The following CNBD1 variants were observed in gnomAD, a reference collection of about 807,000 sequenced individuals.
CNBD1 encodes cyclic nucleotide binding domain containing 1.
CNBD1 carries 71 observed loss-of-function variants against 54.4 expected under a neutral mutation model. The observed-to-expected ratio is 1.30, with a 90% CI of 1.08 to 1.59. The LOEUF (loss-of-function observed/expected upper bound fraction) is 1.59. Ranked by LOEUF, CNBD1 falls within the 40% of genes most tolerant of loss-of-function variation. The pLI is 0.00. For synonymous variants in CNBD1, 182 were observed against 170.7 expected, an observed-to-expected ratio of 1.07 and a Z score of -0.51; for missense variants, 659 against 518.0, an observed-to-expected ratio of 1.27 and a Z score of -2.64.
chr8:86,870,489 G>A (rs1322068178), intron 1 of CNBD1, among the ~76,000 whole-genome samples: 11 of 151,804 alleles, frequency 7.2e-5, no homozygotes, highest in African/African-American at 4.8e-5. Flanking sequence ...GAGCCACCGC[G>A]CCTGGCCAAC....
At chr8:87,284,384 A>G (rs1008155859) in intron 6 of CNBD1, among the ~76,000 whole-genome samples, 3 of 152,124 alleles carry the variant, frequency 2.0e-5, no homozygotes, top group East Asian at 1.9e-4. Flanking sequence ...CATTCTTTCA[A>G]CTACTATTTA....
chr8:87,303,324 A>G, intron 8 of CNBD1, among the ~76,000 whole-genome samples: 1 of 152,020 alleles, frequency 6.6e-6, no homozygotes, highest in East Asian at 1.9e-4. Context: ...GCCCTCAGAA[A>G]TAATGCCGCA....
chr8:87,364,576 T>C (rs760810194), intron 10 of CNBD1, among the ~76,000 whole-genome samples: 1 of 151,916 alleles, frequency 6.6e-6, no homozygotes, highest in Non-Finnish European at 1.5e-5. Context: ...AGTGTATAGA[T>C]TTTTTTGTCA....
intron 4 of CNBD1, among the ~76,000 whole-genome samples, chr8:87,024,649 AC>A (rs1039637775): frequency 6.6e-6 from 1 of 152,136 alleles, no homozygotes; most frequent in African/African-American, 2.4e-5. Flanking sequence ...GCCAGGAATA[AC>A]TTTTTAGAGT....
chr8:87,314,572 T>C (rs1218907561), intron 8 of CNBD1, among the ~76,000 whole-genome samples: 1 of 151,084 alleles, frequency 6.6e-6, no homozygotes, highest in East Asian at 1.9e-4. Context: ...TTAACTAAAA[T>C]AGTAAATATG....
At chr8:87,151,692 G>C (rs1812607731) in intron 4 of CNBD1, among the ~76,000 whole-genome samples, 1 of 152,078 alleles carries the variant, frequency 6.6e-6, no homozygotes, top group Non-Finnish European at 1.5e-5. Context: ...ATGCTATACA[G>C]GCTCATTATT....
intron 8 of CNBD1, among the ~76,000 whole-genome samples, chr8:87,337,600 A>G (rs1391958623): frequency 6.6e-6 from 1 of 152,340 alleles, no homozygotes. Context: ...CCCTGGTGAC[A>G]TGGGCTTTTG....
At chr8:86,932,781 G>T (rs188352150) in intron 3 of CNBD1, among the ~76,000 whole-genome samples, 1 of 151,992 alleles carries the variant, frequency 6.6e-6, no homozygotes, top group Admixed American at 6.5e-5. Flanking sequence ...GCTTCTTGAT[G>T]CCTGAGTGTT....
At chr8:87,091,399 T>C (rs1020255071) in intron 4 of CNBD1, among the ~76,000 whole-genome samples, 1 of 152,182 alleles carries the variant, frequency 6.6e-6, no homozygotes, top group African/African-American at 2.4e-5. Flanking sequence ...TGGAGGAATA[T>C]ACTCAGTATG....
At chr8:86,986,008 G>C (rs1007239295) in intron 4 of CNBD1, among the ~76,000 whole-genome samples, 1 of 151,958 alleles carries the variant, frequency 6.6e-6, no homozygotes, top group African/African-American at 2.4e-5. Context: ...TCGGCTCACC[G>C]CAACCTCTAC....
rs183506697 is a variant in CNBD1 at position 87,337,089 on chromosome 8, C to T, written c.1043-14596C>T. 1.1e-3 allele frequency among the ~76,000 whole-genome samples: 164 copies of T among 152,266 alleles called. 2 individuals carry two copies. In the Middle Eastern group the frequency reaches 0.027, roughly 25 times the overall value. On this transcript the variant is annotated intron_variant, in intron 8 of 10. Coordinates refer to ENST00000518476, the MANE Select transcript of CNBD1 (RefSeq NM_173538.3). ...GTGCCTGCTCCTTCCTCTGCGATCT[C>T]TGACCTTGAGGGGCACAGACCTGAT...
chr8:87,384,867 G>T (rs1463587609), downstream of CNBD1, among the ~76,000 whole-genome samples: 1 of 152,160 alleles, frequency 6.6e-6, no homozygotes, highest in Non-Finnish European at 1.5e-5. Flanking sequence ...TAAGTTAGAT[G>T]TAGTTGAAAT....
intron 4 of CNBD1, among the ~76,000 whole-genome samples, chr8:86,951,609 A>AAAAAAAAAAAAAAAAAAG (rs1807627008): frequency 7.0e-6 from 1 of 143,434 alleles, no homozygotes; most frequent in African/African-American, 2.6e-5. Context: ...AAAAAAAAAA[A>AAAAAAAAAAAAAAAAAAG]AAAAAAAAAA....
chr8:87,347,605 C>T (rs887862197), intron 8 of CNBD1, among the ~76,000 whole-genome samples: 13 of 152,018 alleles, frequency 8.6e-5, no homozygotes, highest in South Asian at 2.1e-4. Context: ...AGAGTAGTCA[C>T]GGTGATCTCA....
chr8:87,387,204 GC>G (rs1811207457), downstream of CNBD1, among the ~76,000 whole-genome samples: 1 of 152,126 alleles, frequency 6.6e-6, no homozygotes, highest in African/African-American at 2.4e-5. Context: ...CAACTAATGA[GC>G]AAAATAACCA....
chr8:86,970,004 A>C (rs1808184558), intron 4 of CNBD1, among the ~76,000 whole-genome samples: 2 of 151,832 alleles, frequency 1.3e-5, no homozygotes, highest in Middle Eastern at 3.4e-3. Flanking sequence ...AAATTCTTTC[A>C]GATTTTATTT....
At chr8:87,005,285 G>T (rs1298399133) in intron 4 of CNBD1, among the ~76,000 whole-genome samples, 1 of 151,820 alleles carries the variant, frequency 6.6e-6, no homozygotes, top group Non-Finnish European at 1.5e-5. Flanking sequence ...CAGGAGAATG[G>T]CGTGAACCCA....
At chr8:87,013,391 CAA>C (rs1809264637) in intron 4 of CNBD1, among the ~76,000 whole-genome samples, 1 of 152,194 alleles carries the variant, frequency 6.6e-6, no homozygotes, top group South Asian at 2.1e-4. Context: ...AAGGGGTTCT[CAA>C]AAGAGGTTTA....
intron 4 of CNBD1, among the ~76,000 whole-genome samples, chr8:86,978,460 A>G (rs1455232393): frequency 6.6e-6 from 1 of 151,804 alleles, no homozygotes; most frequent in Non-Finnish European, 1.5e-5. Flanking sequence ...TTTATGTGAA[A>G]TTTGATTTAT....
Sources: allele counts gnomAD v4.1 joint callset (sites outside exome capture counted in the v4.1 genomes callset), GRCh38; gene constraint gnomAD v4.1.1; transcripts MANE v1.5; gene names NCBI Gene and HGNC (gene_info 2026-07-23, HGNC 2026-07-21).